The following C12orf42 variants were observed in gnomAD, a reference collection of about 807,000 sequenced individuals.
The protein encoded by C12orf42 is chromosome 12 open reading frame 42, also known as uncharacterized protein C12orf42.
C12orf42 carries 25 observed loss-of-function variants against 21.6 expected under a neutral mutation model. That is an observed-to-expected ratio of 1.16 (90% CI 0.84 to 1.62). The LOEUF is 1.62. Among genes scored for constraint, C12orf42 ranks in the 40% most tolerant of loss-of-function variants. The pLI is 0.00. For missense variants in C12orf42, 483 were observed against 459.3 expected (o/e 1.05, Z -0.47); for synonymous variants, 174 against 175.0 (o/e 0.99, Z 0.05).
chr12:103,348,367 TAGA>T (rs1229746893), intron 4 of C12orf42, among the ~76,000 whole-genome samples: 2 of 152,158 alleles, frequency 1.3e-5, no homozygotes, highest in African/African-American at 2.4e-5. Context: ...AGAAGAACAC[TAGA>T]AGATGTAGGC....
chr12:103,387,774 G>A (rs1317000110), intron 3 of C12orf42, among the ~76,000 whole-genome samples: 1 of 152,116 alleles, frequency 6.6e-6, no homozygotes, highest in Admixed American at 6.5e-5. Context: ...ATATGTCAGA[G>A]GTACTCGAGA....
the C12orf42 span, among the ~76,000 whole-genome samples, chr12:103,068,875 C>CTCTCTA: frequency 2.3e-4 from 30 of 128,798 alleles, no homozygotes; most frequent in South Asian, 1.5e-3. Flanking sequence ...ACTCCTCTCT[C>CTCTCTA]TATATATATA....
At chr12:103,208,305 C>T in the C12orf42 span, among the ~76,000 whole-genome samples, 1 of 152,210 alleles carries the variant, frequency 6.6e-6, no homozygotes. Context: ...TATCTGATTA[C>T]TTCTGGGGCT....
At chr12:103,473,980 T>G (rs1456835674) in intron 2 of C12orf42, among the ~76,000 whole-genome samples, 1 of 152,186 alleles carries the variant, frequency 6.6e-6, no homozygotes, top group East Asian at 1.9e-4. Context: ...TTAGTCTTAG[T>G]TTTTAATGCC....
intron 4 of C12orf42, among the ~76,000 whole-genome samples, chr12:103,329,446 T>G (rs2041019290): frequency 6.6e-6 from 1 of 152,086 alleles, no homozygotes; most frequent in Non-Finnish European, 1.5e-5. Flanking sequence ...GCTTAAAACC[T>G]AGACAACAGA....
At chr12:103,249,724 C>T (rs1349124136) in intron 10 of C12orf42, among the ~76,000 whole-genome samples, 7 of 152,086 alleles carry the variant, frequency 4.6e-5, no homozygotes, top group Non-Finnish European at 1.0e-4. Context: ...CAAACTCAAA[C>T]ACACAGGGCT....
intron 4 of C12orf42, among the ~76,000 whole-genome samples, chr12:103,318,119 C>G (rs1301945671): frequency 6.6e-6 from 1 of 152,030 alleles, no homozygotes; most frequent in East Asian, 1.9e-4. Context: ...AAAACCCAGT[C>G]TCTACAAAAA....
chr12:103,138,661 A>G, the C12orf42 span, among the ~76,000 whole-genome samples: 1 of 152,172 alleles, frequency 6.6e-6, no homozygotes, highest in Non-Finnish European at 1.5e-5. Flanking sequence ...ACTTTCTGAG[A>G]AATCAATGTC....
At chr12:103,508,012 G>T in the C12orf42 span, among the ~76,000 whole-genome samples, 3 of 152,146 alleles carry the variant, frequency 2.0e-5, no homozygotes, top group Admixed American at 6.5e-5. Flanking sequence ...TGGGCCCTCA[G>T]CCTGGCTCTC....
At chr12:103,226,004 C>T in the C12orf42 span, among the ~76,000 whole-genome samples, 2 of 152,154 alleles carry the variant, frequency 1.3e-5, no homozygotes, top group Non-Finnish European at 2.9e-5. Context: ...GACAGAGTTC[C>T]AGGGGATCTG....
At chr12:103,229,770 T>G in the C12orf42 span, among the ~76,000 whole-genome samples, 2 of 152,240 alleles carry the variant, frequency 1.3e-5, no homozygotes, top group African/African-American at 2.4e-5. Context: ...TTCTATGACT[T>G]GACTTGTTTC....
At chr12:103,348,022 T>G (rs2042782730) in intron 4 of C12orf42, among the ~76,000 whole-genome samples, 1 of 152,178 alleles carries the variant, frequency 6.6e-6, no homozygotes, top group African/African-American at 2.4e-5. Context: ...TACTACTGTA[T>G]GATAATAACT....
At chr12:103,267,869 C>T (rs962238233), downstream of C12orf42, 2 of 152,026 alleles carry the variant, frequency 1.3e-5, no homozygotes, top group Non-Finnish European at 2.9e-5. Context: ...TTTTCCAGTT[C>T]TTATATTTAA....
the C12orf42 span, among the ~76,000 whole-genome samples, chr12:103,229,636 G>A: frequency 6.6e-6 from 1 of 152,178 alleles, no homozygotes; most frequent in South Asian, 2.1e-4. Context: ...GAAGTCCCTT[G>A]TGTTTCCTTC....
intron 4 of C12orf42, among the ~76,000 whole-genome samples, chr12:103,313,259 T>C (rs1384705657): frequency 6.6e-6 from 1 of 152,242 alleles, no homozygotes; most frequent in African/African-American, 2.4e-5. Flanking sequence ...TTTCTATTAA[T>C]GCTGAAACTC....
the C12orf42 span, among the ~76,000 whole-genome samples, chr12:103,530,629 G>GGA: frequency 5.3e-5 from 8 of 152,054 alleles, no homozygotes; most frequent in South Asian, 4.2e-4. Context: ...AAGTGTTCGG[G>GGA]GGGGGAAAAC....
intron 2 of C12orf42, among the ~76,000 whole-genome samples, chr12:103,435,124 C>A (rs1212792588): frequency 6.6e-6 from 1 of 152,102 alleles, no homozygotes; most frequent in Non-Finnish European, 1.5e-5. Context: ...CTGGGAGGCA[C>A]CCCCCAGCAG....
the C12orf42 span, among the ~76,000 whole-genome samples, chr12:103,502,164 C>T: frequency 2.6e-5 from 4 of 152,226 alleles, no homozygotes; most frequent in Admixed American, 2.0e-4. Context: ...AATCTTTGCA[C>T]CTCAGGGCTT....
intron 4 of C12orf42, among the ~76,000 whole-genome samples, chr12:103,336,411 T>A (rs1004633134): frequency 1.1e-4 from 17 of 152,182 alleles, no homozygotes; most frequent in African/African-American, 3.9e-4. Flanking sequence ...TGAGATTCAC[T>A]CCAAGCTTCA....
Sources: gnomAD v4.1 joint callset for allele counts (sites outside exome capture counted in the v4.1 genomes callset) on GRCh38, gnomAD v4.1.1 for gene constraint, MANE v1.5 for transcripts, NCBI Gene and HGNC (gene_info 2026-07-23, HGNC 2026-07-21) for gene names.